The following UNC5C variants were observed in gnomAD, a reference collection of about 807,000 sequenced individuals.
UNC5C encodes netrin receptor UNC5C.
In UNC5C, 47 loss-of-function variants were observed where a neutral mutation model predicts 99.8. That is an observed-to-expected ratio of 0.47 (90% confidence interval 0.37 to 0.60). The LOEUF is 0.60. Among genes scored for constraint, UNC5C ranks in the 20% least tolerant of loss-of-function variants. The pLI, the probability that UNC5C is intolerant of heterozygous loss-of-function variation, is 0.00. For missense variants in UNC5C, 1,062 were observed against 1,165.9 expected, an observed-to-expected ratio of 0.91 and a Z score of 1.30; for synonymous variants, 487 against 452.2, an observed-to-expected ratio of 1.08 and a Z score of -0.98.
chr4:95,361,128 C>T (rs1292095456), intron 1 of UNC5C, among the ~76,000 whole-genome samples: 2 of 152,070 alleles, frequency 1.3e-5, no homozygotes, highest in East Asian at 1.9e-4. Context: ...TAAGACAGCA[C>T]GGATCACATG....
chr4:95,242,583 C>T lies in UNC5C; in HGVS notation c.954G>A (p.Arg318=), dbSNP rs529568856. ...ACTTLCPVDG[R]WTPWSKWSTC... is the part of the protein sequence containing the mutation. Reference sequence around the variant, plus strand: ...TAGACCACTTGCTCCATGGCGTCCACCTGCCATCCACTGCCATGGAAAAAA... The same window carrying T: ...TAGACCACTTGCTCCATGGCGTCCATCTGCCATCCACTGCCATGGAAAAAA... Residue 318 remains arginine, a synonymous_variant, in exon 7 of 16, where the codon AGG becomes AGA. Coordinates refer to ENST00000453304, the MANE Select transcript of UNC5C (RefSeq NM_003728.4). 6.3e-7 allele frequency: 1 copy of T among 1,582,412 alleles called. No individual in the cohort carries two copies. The highest frequency in any genetic ancestry group is 1.4e-5 in the African/African-American group (1 of 74,012).
intron 14 of UNC5C, 95 bp downstream of exon 14, chr4:95,182,802 A>G (rs927313006): frequency 1.3e-5 from 18 of 1,369,564 alleles, no homozygotes; most frequent in Non-Finnish European, 1.7e-5. Flanking sequence ...AGGACTTCCC[A>G]TATGGACTAT....
intron 3 of UNC5C, among the ~76,000 whole-genome samples, chr4:95,290,096 G>C (rs993166873): frequency 6.6e-6 from 1 of 152,002 alleles, no homozygotes; most frequent in Admixed American, 6.6e-5. Context: ...TGAGGCCAGG[G>C]AGTTTGGAAT....
chr4:95,396,903 T>C (rs1196905594), intron 1 of UNC5C, among the ~76,000 whole-genome samples: 1 of 152,172 alleles, frequency 6.6e-6, no homozygotes, highest in African/African-American at 2.4e-5. Flanking sequence ...ACTGTCATTA[T>C]ACCAAGTTTA....
In UNC5C at chr4:95,272,581, TAAG is replaced by T. The variant is rs550107566; in HGVS notation, c.594+5675_594+5677del. Among the ~76,000 whole-genome samples, 46 of 152,322 alleles carry T rather than the reference TAAG, an allele frequency of 3.0e-4. No homozygotes were observed. The South Asian group carries it at 9.5e-3, about 32-fold the overall frequency. On this transcript the variant is annotated intron_variant, in intron 4 of 15. Coordinates refer to ENST00000453304, the MANE Select transcript of UNC5C (RefSeq NM_003728.4). ...CCCAAAAAGTATGGGATGATCATAA[TAAG>T]GAGGTGACTTTGGCGAATGTTGATT...
intron 2 of UNC5C, among the ~76,000 whole-genome samples, chr4:95,326,444 C>T (rs1047277880): frequency 6.6e-6 from 1 of 151,024 alleles, no homozygotes; most frequent in African/African-American, 2.4e-5. Flanking sequence ...ACAGCTGAGC[C>T]TGAGTTCTTC....
At chr4:95,177,402 C>A (rs1240010106) in intron 14 of UNC5C, among the ~76,000 whole-genome samples, 2 of 101,950 alleles carry the variant, frequency 2.0e-5, no homozygotes, top group African/African-American at 7.0e-5. Flanking sequence ...CCATCATCAC[C>A]CAGAGCGCCC....
intron 1 of UNC5C, among the ~76,000 whole-genome samples, chr4:95,545,778 A>G (rs995067086): frequency 2.0e-5 from 3 of 151,980 alleles, no homozygotes; most frequent in African/African-American, 4.8e-5. Context: ...GCGCGCACAC[A>G]CACACACACA....
intron 13 of UNC5C, among the ~76,000 whole-genome samples, chr4:95,184,112 AT>A (rs1736731486): frequency 6.6e-6 from 1 of 152,232 alleles, no homozygotes; most frequent in Admixed American, 6.5e-5. Flanking sequence ...AGAAAGAGGT[AT>A]ACTGAGTAAG....
chr4:95,538,796 C>A (rs1391528300), intron 1 of UNC5C, among the ~76,000 whole-genome samples: 1 of 151,988 alleles, frequency 6.6e-6, no homozygotes, highest in African/African-American at 2.4e-5. Flanking sequence ...GTATTTAATA[C>A]AGTAGTGAAT....
chr4:95,269,495 C>G (rs1740576771), intron 4 of UNC5C, among the ~76,000 whole-genome samples: 1 of 151,890 alleles, frequency 6.6e-6, no homozygotes, highest in Non-Finnish European at 1.5e-5. Flanking sequence ...CTTACATTGC[C>G]CAGGCTGGTC....
intron 5 of UNC5C, chr4:95,248,053 A>C (rs1263188250): frequency 6.5e-6 from 1 of 153,290 alleles, no homozygotes. Context: ...TCAGAGGATC[A>C]AAAAATTTTT....
chr4:95,181,088 G>A (rs148578066), intron 14 of UNC5C, among the ~76,000 whole-genome samples: 50 of 152,162 alleles, frequency 3.3e-4, no homozygotes, highest in African/African-American at 1.2e-3. Flanking sequence ...GGGATTCAGT[G>A]ACCCAGAAGG....
intron 1 of UNC5C, among the ~76,000 whole-genome samples, chr4:95,436,596 C>T (rs1156520349): frequency 6.6e-6 from 1 of 151,788 alleles, no homozygotes; most frequent in Non-Finnish European, 1.5e-5. Context: ...CAAAAGGCCC[C>T]AGGTTGTTTC....
chr4:95,391,894 T>C (rs1016806342), intron 1 of UNC5C, among the ~76,000 whole-genome samples: 3 of 151,966 alleles, frequency 2.0e-5, no homozygotes, highest in African/African-American at 7.3e-5. Context: ...CTGGGCCATG[T>C]AGAGAAACCC....
intron 1 of UNC5C, among the ~76,000 whole-genome samples, chr4:95,451,640 T>C (rs1294902369): frequency 1.3e-5 from 2 of 152,176 alleles, no homozygotes; most frequent in Non-Finnish European, 2.9e-5. Context: ...CTTACTACTT[T>C]TGTTTTGTCT....
At chr4:95,213,016 T>C (rs1738127861) in intron 10 of UNC5C, among the ~76,000 whole-genome samples, 1 of 152,220 alleles carries the variant, frequency 6.6e-6, no homozygotes, top group African/African-American at 2.4e-5. Flanking sequence ...CCTCCACCGA[T>C]GCATTCCATG....
intron 2 of UNC5C, among the ~76,000 whole-genome samples, chr4:95,308,491 G>A (rs918858865): frequency 6.6e-6 from 1 of 151,910 alleles, no homozygotes; most frequent in African/African-American, 2.4e-5. Context: ...GGTGGCTCAC[G>A]CCTGTAATCC....
At chr4:95,544,140 C>G (rs953730540) in intron 1 of UNC5C, among the ~76,000 whole-genome samples, 2 of 152,062 alleles carry the variant, frequency 1.3e-5, no homozygotes, top group Non-Finnish European at 2.9e-5. Flanking sequence ...ATATATTATC[C>G]TCATTTTTAC....
Sources: allele counts gnomAD v4.1 joint callset (sites outside exome capture counted in the v4.1 genomes callset), GRCh38; gene constraint gnomAD v4.1.1; transcripts MANE v1.5; gene names NCBI Gene and HGNC (gene_info 2026-07-23, HGNC 2026-07-21).